Variants in STPG2 observed in about 807,000 individuals in gnomAD.
The protein encoded by STPG2 is sperm-tail PG-rich repeat-containing protein 2.
STPG2 carries 56 observed loss-of-function variants against 54.2 expected under a neutral mutation model. The observed-to-expected ratio is 1.03, with a 90% CI of 0.83 to 1.29. The LOEUF (loss-of-function observed/expected upper bound fraction) is 1.29, where lower values mean the gene tolerates loss of function less well. Ranked by LOEUF, STPG2 falls within the 50% of genes most tolerant of loss-of-function variation. The pLI, the probability that STPG2 is intolerant of heterozygous loss-of-function variation, is 0.00. For missense variants in STPG2, 596 were observed against 544.9 expected, an observed-to-expected ratio of 1.09 and a Z score of -0.93; for synonymous variants, 200 against 181.8, an observed-to-expected ratio of 1.10 and a Z score of -0.81.
At chr4:97,690,486 C>T (rs1387593130) in intron 10 of STPG2, among the ~76,000 whole-genome samples, 2 of 151,872 alleles carry the variant, frequency 1.3e-5, no homozygotes, top group Non-Finnish European at 2.9e-5. Context: ...TGTATATAAA[C>T]TGAGGACCAT....
At chr4:97,861,221 C>A (rs911378184) in intron 8 of STPG2, among the ~76,000 whole-genome samples, 11 of 152,010 alleles carry the variant, frequency 7.2e-5, no homozygotes, top group East Asian at 1.9e-4. Flanking sequence ...AAACAAATGA[C>A]AAATAGACAT....
At chr4:97,712,896 C>G in intron 9 of STPG2, 82 bp from the exon 10 acceptor site, 1 of 842,030 alleles carries the variant, frequency 1.2e-6, no homozygotes, top group Admixed American at 3.1e-5. Context: ...TAGGTTTGTG[C>G]TCTTAATGTA....
intron 4 of STPG2, among the ~76,000 whole-genome samples, chr4:97,489,235 T>C (rs1730446015): frequency 2.0e-5 from 3 of 151,868 alleles, no homozygotes; most frequent in African/African-American, 7.2e-5. Context: ...CCATTAGACC[T>C]CTTTTATAAA....
At chr4:97,722,943 G>T (rs1724498890) in intron 9 of STPG2, among the ~76,000 whole-genome samples, 3 of 149,080 alleles carry the variant, frequency 2.0e-5, no homozygotes, top group Admixed American at 1.3e-4. Flanking sequence ...GACTACAGGT[G>T]CCCACCACCA....
At chr4:97,645,951 ACT>A (rs1467394410) in intron 10 of STPG2, among the ~76,000 whole-genome samples, 1 of 151,986 alleles carries the variant, frequency 6.6e-6, no homozygotes, top group Non-Finnish European at 1.5e-5. Context: ...TCCAGTCCAA[ACT>A]CTGACACAAA....
rs115962178 is a variant in STPG2, at chr4:97,658,647, C to T, written c.1320+54052G>A. On this transcript the variant is annotated intron_variant, in intron 10 of 10. Coordinates refer to ENST00000295268, the MANE Select transcript of STPG2 (RefSeq NM_174952.3). ...GCATAAAGAAAGAGGCCAAGAGAGA[C>T]TGGGTACGAGGCCAGACTAAGAGGA... Among the ~76,000 whole-genome samples the T allele has an allele frequency of 6.1e-3, 936 of 152,300 alleles. 11 individuals carry two copies. Among genetic ancestry groups the T allele is most frequent in the African/African-American group, 0.022 (896 of 41,566 alleles).
intron 10 of STPG2, among the ~76,000 whole-genome samples, chr4:97,670,227 G>A (rs1490660680): frequency 6.6e-6 from 1 of 152,050 alleles, no homozygotes; most frequent in East Asian, 1.9e-4. Context: ...TGGTTTCTCA[G>A]AGTGATTTTC....
At chr4:97,501,939 C>T (rs1730734372) in intron 4 of STPG2, among the ~76,000 whole-genome samples, 1 of 151,328 alleles carries the variant, frequency 6.6e-6, no homozygotes, top group Non-Finnish European at 1.5e-5. Flanking sequence ...CCAAAATAGT[C>T]AAATTGATTG....
At chr4:97,955,593 C>A (rs1733647216) in intron 7 of STPG2, among the ~76,000 whole-genome samples, 1 of 151,954 alleles carries the variant, frequency 6.6e-6, no homozygotes, top group African/African-American at 2.4e-5. Context: ...CTCAGAAAGA[C>A]AGCAAGAAAA....
At chr4:98,133,213 G>C (rs568004986) in intron 2 of STPG2, among the ~76,000 whole-genome samples, 1 of 152,006 alleles carries the variant, frequency 6.6e-6, no homozygotes, top group South Asian at 2.1e-4. Context: ...ATTATCAATT[G>C]ACTAATATCC....
At chr4:98,041,978 TAGG>T (rs1260732837) in intron 5 of STPG2, among the ~76,000 whole-genome samples, 1 of 151,916 alleles carries the variant, frequency 6.6e-6, no homozygotes, top group Non-Finnish European at 1.5e-5. Flanking sequence ...TTTCTTTTCT[TAGG>T]AGATTTTTTA....
intron 4 of STPG2, among the ~76,000 whole-genome samples, chr4:97,445,237 C>T (rs1399128645): frequency 6.6e-6 from 1 of 152,114 alleles, no homozygotes; most frequent in African/African-American, 2.4e-5. Context: ...GACTATTTCT[C>T]TCTGCCATAA....
chr4:97,985,586 T>C (rs941049093), intron 5 of STPG2, among the ~76,000 whole-genome samples: 1 of 152,200 alleles, frequency 6.6e-6, no homozygotes, highest in African/African-American at 2.4e-5. Flanking sequence ...TTGTTAATTG[T>C]GTTATTTCTT....
intron 9 of STPG2, among the ~76,000 whole-genome samples, chr4:97,788,203 C>A (rs893511721): frequency 6.6e-6 from 1 of 151,982 alleles, no homozygotes; most frequent in African/African-American, 2.4e-5. Context: ...ACCCATTAAC[C>A]ATCCCCGCTT....
At chr4:97,681,277 G>T (rs951767916) in intron 10 of STPG2, among the ~76,000 whole-genome samples, 1 of 151,768 alleles carries the variant, frequency 6.6e-6, no homozygotes, top group Admixed American at 6.6e-5. Flanking sequence ...GACCTCAGAG[G>T]TGAAGAGGTT....
chr4:98,072,327 A>G (rs560167074), intron 5 of STPG2, among the ~76,000 whole-genome samples: 2 of 152,288 alleles, frequency 1.3e-5, no homozygotes, highest in South Asian at 2.1e-4. Flanking sequence ...CAAACATCGT[A>G]TGTTCTCACT....
intron 3 of STPG2, among the ~76,000 whole-genome samples, chr4:98,117,532 C>T (rs1387307562): frequency 6.6e-6 from 1 of 151,960 alleles, no homozygotes; most frequent in Non-Finnish European, 1.5e-5. Context: ...TTCTCCTCCG[C>T]TTCTGGGATT....
At chr4:97,735,072 C>A (rs530780839) in intron 9 of STPG2, among the ~76,000 whole-genome samples, 453 of 139,370 alleles carry the variant, frequency 3.3e-3, no homozygotes, top group Middle Eastern at 7.4e-3. Flanking sequence ...GACATCGTCT[C>A]AAAAAAAAAA....
At chr4:98,061,870 C>T (rs2695463) in intron 5 of STPG2, among the ~76,000 whole-genome samples, 130,550 of 152,024 alleles carry the variant, frequency 0.86, 56,197 homozygotes, top group Middle Eastern at 0.96. Flanking sequence ...AGTTCAAACA[C>T]TATGGAAAGC....
Sources: allele counts gnomAD v4.1 joint callset (sites outside exome capture counted in the v4.1 genomes callset), GRCh38; gene constraint gnomAD v4.1.1; transcripts MANE v1.5; gene names NCBI Gene and HGNC (gene_info 2026-07-23, HGNC 2026-07-21).